Variants in CGNL1 observed in about 807,000 individuals in gnomAD.
The protein encoded by CGNL1 is cingulin-like protein 1.
Under a neutral mutation model 141.2 loss-of-function variants are expected in CGNL1, and 132 were observed. That is an observed-to-expected ratio of 0.93 (90% CI 0.81 to 1.08). CGNL1 has a LOEUF of 1.08. Ranked by LOEUF, CGNL1 falls within the 50% of genes least tolerant of loss-of-function variation. CGNL1 has a pLI of 0.00. For missense variants in CGNL1, 1,870 were observed against 1,588.6 expected (o/e 1.18, Z -3.01); for synonymous variants, 690 against 622.1 (o/e 1.11, Z -1.63).
intron 7 of CGNL1, among the ~76,000 whole-genome samples, chr15:57,456,560 G>C (rs1166704605): frequency 6.0e-5 from 9 of 149,724 alleles, no homozygotes; most frequent in Non-Finnish European, 1.3e-4. Context: ...CACTTTCTTA[G>C]AGTAAACCAT....
rs533202733 is a variant in CGNL1 at position 57,440,387 on chromosome 15, A to G, written c.1613A>G (p.Asp538Gly). 2 of 1,600,114 alleles carry G rather than the reference A, an allele frequency of 1.2e-6. No homozygotes were observed. Among genetic ancestry groups the G allele is most frequent in the Non-Finnish European group, 1.7e-6 (2 of 1,172,524 alleles). ...PSASNTQATP[D>G]LLKGQQELTQ... ...GGCCTTATGTTCCAGGCCACACCGG[A>G]TCTCTTAAAGGGCCAGCAAGAGCTC... Residue 538 changes from aspartate to glycine, a missense_variant, in exon 3 of 19, where the codon GAT (aspartate) becomes GGT (glycine). Transcript: ENST00000281282.
chr15:57,486,330 G>T (rs2063784871), intron 8 of CGNL1, among the ~76,000 whole-genome samples: 1 of 152,150 alleles, frequency 6.6e-6, no homozygotes, highest in Admixed American at 6.5e-5. Context: ...AAATGGGAAT[G>T]ATATCACTGC....
chr15:57,531,855 C>T (rs2031970979), intron 14 of CGNL1, 76 bp downstream of exon 14: 1 of 901,524 alleles, frequency 1.1e-6, no homozygotes, highest in Non-Finnish European at 1.8e-6. Flanking sequence ...CCTGGGGCTT[C>T]AGTTAAGTCC....
rs117582189 is a variant in CGNL1 at position 57,392,720 on chromosome 15, G to A, written c.-16+16153G>A. ...AAAGCTGTATAAGGTTTTTACAACT[G>A]AGGGTAGAGCAAAGGCAAGAAACCA... is the stretch of plus-strand genomic sequence containing the variant. On this transcript the variant is annotated intron_variant, in intron 1 of 18. Transcript: ENST00000281282. 6.3e-4 allele frequency among the ~76,000 whole-genome samples: 96 copies of A among 152,318 alleles called. No individual in the cohort carries two copies. In the East Asian group the frequency reaches 0.017, roughly 28 times the overall value.
intron 3 of CGNL1, 35 bp downstream of exon 3, chr15:57,440,506 G>T (rs1262301787): frequency 2.8e-6 from 4 of 1,437,226 alleles, no homozygotes; most frequent in African/African-American, 1.4e-5. Context: ...GCAAAGTATT[G>T]TTGTTTCTGG....
intron 8 of CGNL1, among the ~76,000 whole-genome samples, chr15:57,502,268 A>G (rs532529113): frequency 6.6e-6 from 1 of 152,258 alleles, no homozygotes; most frequent in South Asian, 2.1e-4. Context: ...TCTCAGTGAT[A>G]TTGTAGGAAT....
chr15:57,541,283 C>T (rs954564920), intron 14 of CGNL1, among the ~76,000 whole-genome samples: 28 of 152,350 alleles, frequency 1.8e-4, no homozygotes, highest in African/African-American at 5.8e-4. Context: ...GTGCTGGGCC[C>T]TGCCCTGGGC....
intron 8 of CGNL1, among the ~76,000 whole-genome samples, chr15:57,485,506 G>A (rs202055962): frequency 2.6e-5 from 4 of 152,152 alleles, no homozygotes; most frequent in Admixed American, 1.3e-4. Flanking sequence ...ACAAAAAATA[G>A]GAATACATCC....
At chr15:57,512,672 T>C (rs190493851) in intron 8 of CGNL1, among the ~76,000 whole-genome samples, 40 of 152,334 alleles carry the variant, frequency 2.6e-4, no homozygotes, top group African/African-American at 9.6e-4. Context: ...CAGGTTCCCT[T>C]ATCTAACACG....
intron 8 of CGNL1, among the ~76,000 whole-genome samples, chr15:57,495,350 A>G (rs2063922621): frequency 6.6e-6 from 1 of 152,146 alleles, no homozygotes; most frequent in African/African-American, 2.4e-5. Flanking sequence ...GTGACTCTGG[A>G]ACCTCTGCCA....
intron 4 of CGNL1, among the ~76,000 whole-genome samples, chr15:57,444,750 G>A (rs1213223315): frequency 2.0e-5 from 3 of 152,178 alleles, no homozygotes; most frequent in Non-Finnish European, 2.9e-5. Context: ...GGAATTTAGT[G>A]TAGTGGGAAC....
intron 1 of CGNL1, among the ~76,000 whole-genome samples, chr15:57,437,145 G>C (rs2063115425): frequency 6.6e-6 from 1 of 152,190 alleles, no homozygotes; most frequent in African/African-American, 2.4e-5. Context: ...TGAGCTCTCT[G>C]CAGTCATCTG....
chr15:57,445,924 TG>T (rs1421765324), intron 4 of CGNL1, among the ~76,000 whole-genome samples: 1 of 152,230 alleles, frequency 6.6e-6, no homozygotes, highest in African/African-American at 2.4e-5. Flanking sequence ...GATAATATTT[TG>T]TAATAGACTC....
chr15:57,412,217 G>A (rs1275029088), intron 1 of CGNL1, among the ~76,000 whole-genome samples: 3 of 152,214 alleles, frequency 2.0e-5, no homozygotes, highest in African/African-American at 2.4e-5. Context: ...GGCAGTGGAT[G>A]TTAGTGGGTG....
chr15:57,432,180 A>G (rs1022144444), intron 1 of CGNL1, among the ~76,000 whole-genome samples: 1 of 152,226 alleles, frequency 6.6e-6, no homozygotes, highest in East Asian at 1.9e-4. Context: ...AGGGCCAGCC[A>G]CAGCATAAAG....
chr15:57,492,487 C>A (rs2063879321), intron 8 of CGNL1, among the ~76,000 whole-genome samples: 1 of 152,066 alleles, frequency 6.6e-6, no homozygotes, highest in Admixed American at 6.5e-5. Context: ...AGAATACTTA[C>A]AAAAGCACAT....
In CGNL1 at chr15:57,547,415, G is replaced by C. The variant is rs201657469; in HGVS notation, c.3834G>C (p.Thr1278=). Residue 1278 remains threonine, a synonymous_variant, in exon 19 of 19, where the codon ACG becomes ACC. Transcript: ENST00000281282. ...TGGATGACGACGATGACCTCAGCACGGATGGGGGAAGCCTCTATGAGGCGC... is the reference window on the plus strand; with the variant it reads ...TGGATGACGACGATGACCTCAGCACCGATGGGGGAAGCCTCTATGAGGCGC... The part of the protein sequence containing the change: ...DDMDDDDDLS[T]DGGSLYEAPV... The C allele has an allele frequency of 3.1e-6, 5 of 1,614,186 alleles. No homozygotes were observed. Among genetic ancestry groups the C allele is most frequent in the Non-Finnish European group, 4.2e-6 (5 of 1,180,022 alleles).
At position 57,442,182 on chromosome 15, in the gene CGNL1, G is replaced by GGAAAAAAAAAAAAAAAAAAAA. The variant is rs1491455852; in HGVS notation, c.1698-191_1698-190insGAAAAAAAAAAAAAAAAAAAA. Among the ~76,000 whole-genome samples, 72 of 96,500 alleles carry GGAAAAAAAAAAAAAAAAAAAA rather than the reference G, an allele frequency of 7.5e-4. 4 individuals carry two copies. The highest frequency in any genetic ancestry group is 1.6e-3 in the Admixed American group (13 of 8,188). The allele number at this position is 96,500 out of a possible 152,430, so 63.3% of individuals were successfully genotyped here. On this transcript the variant is annotated intron_variant, in intron 3 of 18. Coordinates refer to ENST00000281282, the MANE Select transcript of CGNL1 (RefSeq NM_032866.5). ...TTGAGTGGTAACACATCATTTATTTGAAAAAAAAAAAAAAAAAAAAAGACA... is the reference window on the plus strand; with the variant it reads ...TTGAGTGGTAACACATCATTTATTTGGAAAAAAAAAAAAAAAAAAAAAAAAAAAAAAAAAAAAAAAAAGACA...
intron 8 of CGNL1, among the ~76,000 whole-genome samples, chr15:57,513,630 C>T (rs1360941105): frequency 2.0e-5 from 3 of 152,098 alleles, no homozygotes; most frequent in Non-Finnish European, 2.9e-5. Context: ...AAGCGATTCT[C>T]CTGCCTCAGC....
Sources: gnomAD v4.1 joint callset for allele counts (sites outside exome capture counted in the v4.1 genomes callset) on GRCh38, gnomAD v4.1.1 for gene constraint, MANE v1.5 for transcripts, NCBI Gene and HGNC (gene_info 2026-07-23, HGNC 2026-07-21) for gene names.